PCDH12: variants seen among roughly 807,000 people sequenced by gnomAD.
The protein encoded by PCDH12 is protocadherin 12, also known as protocadherin-12.
In PCDH12, 45 loss-of-function variants were observed where a neutral mutation model predicts 70.9. That is an observed-to-expected ratio of 0.63 (90% CI 0.50 to 0.81). PCDH12 has a LOEUF of 0.81. Among genes scored for constraint, PCDH12 ranks in the 40% least tolerant of loss-of-function variants. PCDH12 has a pLI of 0.00. For synonymous variants in PCDH12, 567 were observed against 626.0 expected (o/e 0.91, Z 1.41); for missense variants, 1,370 against 1,491.7 (o/e 0.92, Z 1.34).
chr5:141,943,726 TTC>T lies in PCDH12; in HGVS notation c.*1653_*1654del, dbSNP rs1412888977. The stretch of plus-strand genomic sequence containing the variant: ...GCCTGCCTGCTTGATATCCCCCAGT[TTC>T]TCTCACTGGCCCACAGAACCCAACA... On this transcript the variant is annotated 3_prime_UTR_variant, in exon 4 of 4. Transcript: ENST00000231484. 6.6e-6 allele frequency: 1 copy of T among 152,058 alleles called. No homozygotes were observed. The highest frequency in any genetic ancestry group is 1.5e-5 in the Non-Finnish European group (1 of 68,030). The allele number at this position is 152,058 out of a possible 1,614,324, so 9.4% of individuals were successfully genotyped here.
rs1304688778 is a variant in PCDH12 at position 141,943,625 on chromosome 5, T to G, written c.*1756A>C. ...AAGCATTTATTGACACATTTATTCATTCATACATCCATTCAACAGCTATTC... is the reference window on the plus strand; with the variant it reads ...AAGCATTTATTGACACATTTATTCAGTCATACATCCATTCAACAGCTATTC... On this transcript the variant is annotated 3_prime_UTR_variant, in exon 4 of 4. Transcript: ENST00000231484. 2.6e-5 allele frequency: 4 copies of G among 152,208 alleles called. No individual in the cohort carries two copies. The highest frequency in any genetic ancestry group is 4.4e-5 in the Non-Finnish European group (3 of 68,026). 9.4% of individuals were successfully genotyped at this position (152,208 alleles called of 1,614,324 possible).
rs748312193 is a variant in PCDH12 at position 141,945,516 on chromosome 5, C to G, written c.3420G>C (p.Ser1140=). Reference sequence around the variant, plus strand: ...CTAAACTGAGGGTCCTCCCGCAGACCGAGAGCCGCCGCAGCGCCTCGGAGG... The same window carrying G: ...CTAAACTGAGGGTCCTCCCGCAGACGGAGAGCCGCCGCAGCGCCTCGGAGG... ...EAASEALRRL[S]VCGRTLSLDL... The change falls in exon 4 of 4, where the codon TCG becomes TCC. Residue 1140 remains serine, a synonymous_variant. Coordinates refer to ENST00000231484, the MANE Select transcript of PCDH12 (RefSeq NM_016580.4). 5 of 1,613,490 alleles carry G rather than the reference C, an allele frequency of 3.1e-6. No homozygotes were observed. The African/African-American group carries it at 4.0e-5, about 13-fold the overall frequency.
intron 1 of PCDH12, among the ~76,000 whole-genome samples, chr5:141,954,134 C>A (rs1331325102): frequency 1.3e-5 from 2 of 152,052 alleles, no homozygotes; most frequent in Admixed American, 6.5e-5. Context: ...AAATGAGGCT[C>A]AGATGTTGAA....
intron 3 of PCDH12, among the ~76,000 whole-genome samples, chr5:141,949,080 A>T (rs1313448949): frequency 6.7e-6 from 1 of 149,274 alleles, no homozygotes; most frequent in Non-Finnish European, 1.5e-5. Flanking sequence ...AATTAGCGGG[A>T]TGTGGTGGTG....
Position 141,945,286 on chromosome 5 carries a change from C to T in PCDH12, c.*95G>A. Reference sequence around the variant, plus strand: ...CAGTCACCCTAAAGTTCTCAGGCCGCCGCTAGCTAGTGAGTTACAAGATTT... The same window carrying T: ...CAGTCACCCTAAAGTTCTCAGGCCGTCGCTAGCTAGTGAGTTACAAGATTT... On this transcript the variant is annotated 3_prime_UTR_variant, in exon 4 of 4. Coordinates refer to ENST00000231484, the MANE Select transcript of PCDH12 (RefSeq NM_016580.4). 6.9e-7 allele frequency: 1 copy of T among 1,449,584 alleles called. No individual in the cohort carries two copies. The highest frequency in any genetic ancestry group is 9.3e-7 in the Non-Finnish European group (1 of 1,077,862). The allele number at this position is 1,449,584 out of a possible 1,614,324, so 89.8% of individuals were successfully genotyped here.
chr5:141,945,868 T>A, intron 3 of PCDH12, 63 bp from the exon 4 acceptor site: 2 of 1,489,926 alleles, frequency 1.3e-6, no homozygotes, highest in Non-Finnish European at 1.8e-6. Flanking sequence ...CGGGTGAGGG[T>A]GGGGCAATGA....
rs370612559 is a variant in PCDH12, at chr5:141,956,890, T to C, written c.962A>G (p.Asp321Gly). 201 of 1,614,064 alleles carry C rather than the reference T, an allele frequency of 1.2e-4. 1 individual carries two copies. The highest frequency in any genetic ancestry group is 1.6e-4 in the Non-Finnish European group (190 of 1,180,034). Residue 321 changes from aspartate to glycine, a missense_variant, in exon 1 of 4, where the codon GAT becomes GGT. Coordinates refer to ENST00000231484, the MANE Select transcript of PCDH12 (RefSeq NM_016580.4). ...DYEKNPAYEV[D>G]VQARDLGPNP... ...GGGACCCAGGTCCCTTGCCTGAACA[T>C]CCACCTCGTAGGCAGGGTTCTTTTC... is the stretch of plus-strand genomic sequence containing the variant.
At position 141,955,397 on chromosome 5, in the gene PCDH12, T is replaced by G. The variant is rs1596646445; in HGVS notation, c.2455A>C (p.Thr819Pro). The G allele has an allele frequency of 6.2e-7, 1 of 1,613,912 alleles. No individual in the cohort carries two copies. Among genetic ancestry groups the G allele is most frequent in the East Asian group, 2.2e-5 (1 of 44,864 alleles). ...DPCLQAPFHL[T>P]PTLYRTLRNQ... is the part of the protein sequence containing the mutation. ...CGCAGCGTCCTGTACAGGGTCGGGGTGAGGTGGAAGGGGGCCTGCAGGCAG... is the reference window on the plus strand; with the variant it reads ...CGCAGCGTCCTGTACAGGGTCGGGGGGAGGTGGAAGGGGGCCTGCAGGCAG... The change falls in exon 1 of 4, where the codon ACC becomes CCC. Residue 819 changes from threonine (T) to proline (P), a missense_variant. Thr to Pro is a conservative substitution (Grantham distance 38). Coordinates refer to ENST00000231484, the MANE Select transcript of PCDH12 (RefSeq NM_016580.4). The surrounding 1 kb of genome is among the most constrained non-coding windows in gnomAD (Gnocchi z 5.5).
chr5:141,957,188 G>C lies in PCDH12; in HGVS notation c.664C>G (p.Pro222Ala). ...LVLTAYDNGN[P>A]PKSGTSLVKV... The stretch of plus-strand genomic sequence containing the variant: ...ACCAAGCTGGTACCTGACTTGGGGG[G>C]GTTCCCATTGTCATAGGCAGTTAAC... The change falls in exon 1 of 4, where the codon CCC (proline) becomes GCC (alanine). Residue 222 changes from proline (P) to alanine (A), a missense_variant. Physicochemically the swap from Pro to Ala is conservative, Grantham distance 27. Coordinates refer to ENST00000231484, the MANE Select transcript of PCDH12 (RefSeq NM_016580.4). The surrounding 1 kb of genome is among the most constrained non-coding windows in gnomAD (Gnocchi z 4.3). 6.2e-7 allele frequency: 1 copy of C among 1,614,132 alleles called. No homozygotes were observed. The highest frequency in any genetic ancestry group is 8.5e-7 in the Non-Finnish European group (1 of 1,180,016).
chr5:141,957,393 C>T lies in PCDH12; in HGVS notation c.459G>A (p.Arg153=). 1 of 1,613,702 alleles carries T rather than the reference C, an allele frequency of 6.2e-7. No homozygotes were observed. The highest frequency in any genetic ancestry group is 8.5e-7 in the Non-Finnish European group (1 of 1,179,806). The part of the protein sequence containing the change: ...EISESASLRT[R]IPLDRALDPD... Reference sequence around the variant, plus strand: ...GGTCAAGAGCTCTGTCCAGGGGGATCCGGGTTCGCAGAGAGGCGCTCTCAG... The same window carrying T: ...GGTCAAGAGCTCTGTCCAGGGGGATTCGGGTTCGCAGAGAGGCGCTCTCAG... Residue 153 remains arginine (R), a synonymous_variant, in exon 1 of 4, where the codon CGG becomes CGA. Coordinates refer to ENST00000231484, the MANE Select transcript of PCDH12 (RefSeq NM_016580.4). The surrounding 1 kb of genome is among the most constrained non-coding windows in gnomAD (Gnocchi z 4.3).
chr5:141,952,188 T>A (rs1190145950), intron 1 of PCDH12, among the ~76,000 whole-genome samples: 1 of 152,070 alleles, frequency 6.6e-6, no homozygotes, highest in African/African-American at 2.4e-5. Context: ...GATGTGAAGG[T>A]TGCAGGCAGC....
At chr5:141,947,382 GC>G (rs1448728648) in intron 3 of PCDH12, among the ~76,000 whole-genome samples, 1 of 152,204 alleles carries the variant, frequency 6.6e-6, no homozygotes, top group Non-Finnish European at 1.5e-5. Context: ...ATAGAATCAG[GC>G]CTTTCCTTTT....
intron 3 of PCDH12, among the ~76,000 whole-genome samples, chr5:141,946,924 A>G (rs533313980): frequency 4.4e-4 from 67 of 152,088 alleles, no homozygotes; most frequent in Non-Finnish European, 8.5e-4. Context: ...AAAAAAGCAC[A>G]ACATCTACTT....
In PCDH12 at chr5:141,944,691, A is replaced by G. The variant is rs1752859633; in HGVS notation, c.*690T>C. 2 of 152,244 alleles carry G rather than the reference A, an allele frequency of 1.3e-5. No homozygotes were observed. Among genetic ancestry groups the G allele is most frequent in the African/African-American group, 4.8e-5 (2 of 41,456 alleles). 9.4% of individuals were successfully genotyped at this position (152,244 alleles called of 1,614,324 possible). ...GGAAAATCAAATTAAATCCTATTGT[A>G]AAGCCTGGTGCCTGGCTCATGTAAA... On this transcript the variant is annotated 3_prime_UTR_variant, in exon 4 of 4. Transcript: ENST00000231484.
rs111262438 is a variant in PCDH12, at chr5:141,952,519, A to G, written c.2881-929T>C. ...GAAGCACTGCACACTGAAAGGCTGG[A>G]AGAGAAGGTAGAGTTTCAGAAAGAC... On this transcript the variant is annotated intron_variant, in intron 1 of 3. Coordinates refer to ENST00000231484, the MANE Select transcript of PCDH12 (RefSeq NM_016580.4). 1,379 of 152,354 alleles carry G rather than the reference A, an allele frequency of 9.1e-3. 26 individuals are homozygous for G. Among genetic ancestry groups the G allele is most frequent in the African/African-American group, 0.032 (1,324 of 41,540 alleles). 9.4% of individuals were successfully genotyped at this position (152,354 alleles called of 1,614,324 possible). A position where few individuals can be genotyped will look rare whatever the true frequency, so the allele number is the denominator to read the frequency against.
rs1403157644 is a variant in PCDH12, at chr5:141,943,656, G to A, written c.*1725C>T. 6.6e-6 allele frequency: 1 copy of A among 152,156 alleles called. No homozygotes were observed. The highest frequency in any genetic ancestry group is 2.4e-5 in the African/African-American group (1 of 41,438). The allele number at this position is 152,156 out of a possible 1,614,324, so 9.4% of individuals were successfully genotyped here. Reference sequence around the variant, plus strand: ...CATCCATTCAACAGCTATTCATCAAGTGTTGCTTTGTAGCAGGCACCTGGC... The same window carrying A: ...CATCCATTCAACAGCTATTCATCAAATGTTGCTTTGTAGCAGGCACCTGGC... On this transcript the variant is annotated 3_prime_UTR_variant, in exon 4 of 4. Transcript: ENST00000231484.
intron 1 of PCDH12, among the ~76,000 whole-genome samples, chr5:141,954,084 G>A (rs550656315): frequency 6.6e-6 from 1 of 150,888 alleles, no homozygotes; most frequent in African/African-American, 2.4e-5. Context: ...GCAGACACAG[G>A]GTAAGTTTGG....
Position 141,956,813 on chromosome 5 carries a change from C to T in PCDH12, c.1039G>A (p.Asp347Asn). 5 of 1,614,228 alleles carry T rather than the reference C, an allele frequency of 3.1e-6. No individual in the cohort carries two copies. Among genetic ancestry groups the T allele is most frequent in the Non-Finnish European group, 4.2e-6 (5 of 1,180,044 alleles). The change falls in exon 1 of 4, where the codon GAC becomes AAC. Residue 347 changes from aspartate (D) to asparagine (N), a missense_variant. Coordinates refer to ENST00000231484, the MANE Select transcript of PCDH12 (RefSeq NM_016580.4). ...GTGACGTGGATGCTTGGGATGTTGT[C>T]ATTGACATCCAGAACCTTGATGAGA... The part of the protein sequence containing the change: ...KVLIKVLDVN[D>N]NIPSIHVTWA...
Position 141,949,435 on chromosome 5 carries a change from T to G in PCDH12, c.3127A>C (p.Thr1043Pro). 6.2e-7 allele frequency: 1 copy of G among 1,613,014 alleles called. No homozygotes were observed. Among genetic ancestry groups the G allele is most frequent in the Non-Finnish European group, 8.5e-7 (1 of 1,179,328 alleles). ...EELSSLLDPS[T>P]GLALDRLSAP... ...GGTAACTCCAGGGGGTCCCTACCTGTGCTGGGGTCCAGCAGACTTGACAGC... is the reference window on the plus strand; with the variant it reads ...GGTAACTCCAGGGGGTCCCTACCTGGGCTGGGGTCCAGCAGACTTGACAGC... The change falls in exon 3 of 4, where the codon ACA (threonine) becomes CCA (proline). Residue 1043 changes from threonine to proline, a missense_variant. Coordinates refer to ENST00000231484, the MANE Select transcript of PCDH12 (RefSeq NM_016580.4).
Sources: gnomAD v4.1 joint callset for allele counts (sites outside exome capture counted in the v4.1 genomes callset) on GRCh38, gnomAD v4.1.1 for gene constraint, Gnocchi (gnomAD v3.1) non-coding constraint, MANE v1.5 for transcripts, NCBI Gene and HGNC (gene_info 2026-07-23, HGNC 2026-07-21) for gene names.